Variants in TMTC2 observed in about 807,000 individuals in gnomAD.
TMTC2 encodes transmembrane O-mannosyltransferase targeting cadherins 2.
Under a neutral mutation model 82.4 loss-of-function variants are expected in TMTC2, and 43 were observed. That is an observed-to-expected ratio of 0.52 (90% CI 0.41 to 0.67). TMTC2 has a LOEUF of 0.67. Among genes scored for constraint, TMTC2 ranks in the 30% least tolerant of loss-of-function variants. The pLI, the probability that TMTC2 is intolerant of heterozygous loss-of-function variation, is 0.00. For missense variants in TMTC2, 919 were observed against 1,012.4 expected (o/e 0.91, Z 1.25); for synonymous variants, 408 against 381.9 (o/e 1.07, Z -0.80).
chr12:83,002,425 GTA>G (rs1289255097), intron 8 of TMTC2, among the ~76,000 whole-genome samples: 2 of 151,988 alleles, frequency 1.3e-5, no homozygotes, highest in East Asian at 3.9e-4. Context: ...CTGATAATTT[GTA>G]TGGATTTTTG....
chr12:83,106,813 A>G (rs1043216467), intron 11 of TMTC2, among the ~76,000 whole-genome samples: 1 of 152,218 alleles, frequency 6.6e-6, no homozygotes, highest in African/African-American at 2.4e-5. Flanking sequence ...AATGATGGTG[A>G]AATAAGAACT....
Position 82,965,704 on chromosome 12 carries a change from A to G in TMTC2, c.1829A>G (p.Tyr610Cys), listed in dbSNP as rs1878168996. The stretch of plus-strand genomic sequence containing the variant: ...AAGAGCTCTGTTACCAGTTGTTTGT[A>G]CAACCTAGGAAAGCTGTATCATGAG... Reference protein sequence around the residue: ...AHKSSVTSCLYNLGKLYHEQG... With the variant: ...AHKSSVTSCLCNLGKLYHEQG... The change falls in exon 6 of 12, where the codon TAC (tyrosine) becomes TGC (cysteine). Residue 610 changes from tyrosine to cysteine, a missense_variant. By Grantham distance (194) the Tyr-to-Cys change is radical (BLOSUM62 -2). Transcript: ENST00000321196. The G allele has an allele frequency of 3.1e-6, 5 of 1,613,766 alleles. No individual in the cohort carries two copies. The highest frequency in any genetic ancestry group is 1.7e-5 in the Admixed American group (1 of 59,972).
intron 1 of TMTC2, among the ~76,000 whole-genome samples, chr12:82,757,245 A>G (rs1259812487): frequency 6.6e-6 from 1 of 152,208 alleles, no homozygotes; most frequent in Non-Finnish European, 1.5e-5. Flanking sequence ...GGCTTAAGGA[A>G]GCATTCCTCT....
At chr12:82,732,690 A>G (rs917096261) in intron 1 of TMTC2, among the ~76,000 whole-genome samples, 3 of 152,196 alleles carry the variant, frequency 2.0e-5, no homozygotes, top group East Asian at 1.9e-4. Flanking sequence ...TATGGTAGCT[A>G]TAGAAAGACA....
rs1565797195 is a variant in TMTC2, at chr12:82,895,425, A to G, written c.655-393A>G. Among the ~76,000 whole-genome samples the G allele has an allele frequency of 2.0e-5, 3 of 152,296 alleles. No homozygotes were observed. In the East Asian group the frequency reaches 5.8e-4, roughly 29 times the overall value. ...TACGATAAAATGAAAGACAACAGTT[A>G]TTAGGTGCCTTTATCTTATGCAGAG... is the stretch of plus-strand genomic sequence containing the variant. On this transcript the variant is annotated intron_variant, in intron 2 of 11. Coordinates refer to ENST00000321196, the MANE Select transcript of TMTC2 (RefSeq NM_152588.3).
Position 82,997,346 on chromosome 12 carries a change from G to GTATATATA in TMTC2, c.2070+11301_2070+11302insATATATAT, listed in dbSNP as rs1221254720. Among the ~76,000 whole-genome samples the GTATATATA allele has an allele frequency of 6.0e-3, 174 of 29,200 alleles. 2 individuals carry two copies. The highest frequency in any genetic ancestry group is 0.014 in the African/African-American group (163 of 11,324). 19.2% of individuals were successfully genotyped at this position (29,200 alleles called of 152,430 possible). On this transcript the variant is annotated intron_variant, in intron 8 of 11. Transcript: ENST00000321196. ...TGTCTGTGTGTGTGTGTGTGTGTGT[G>GTATATATA]TGTATATATATATATATATGTGTAT...
chr12:83,032,257 T>TATATATATA (rs1881460375), intron 9 of TMTC2, among the ~76,000 whole-genome samples: 2 of 130,858 alleles, frequency 1.5e-5, no homozygotes, highest in African/African-American at 2.9e-5. Context: ...AGAGAATATT[T>TATATATATA]TATATATATA....
intron 2 of TMTC2, among the ~76,000 whole-genome samples, chr12:82,867,686 C>G (rs1002165532): frequency 1.2e-4 from 18 of 152,202 alleles, no homozygotes; most frequent in African/African-American, 4.1e-4. Flanking sequence ...TGAATGATTT[C>G]AGTACATTTC....
chr12:83,057,512 C>T (rs1359272762), intron 10 of TMTC2, among the ~76,000 whole-genome samples: 1 of 151,892 alleles, frequency 6.6e-6, no homozygotes, highest in African/African-American at 2.4e-5. Flanking sequence ...ACTCTGGTTT[C>T]ACTATTTTAA....
intron 3 of TMTC2, among the ~76,000 whole-genome samples, chr12:82,901,301 T>A (rs1478893720): frequency 4.8e-5 from 4 of 84,186 alleles, no homozygotes; most frequent in African/African-American, 3.6e-4. Context: ...TATATATATA[T>A]TTTTTTTTCT....
At chr12:82,807,702 A>G (rs979802626) in intron 1 of TMTC2, among the ~76,000 whole-genome samples, 1 of 152,092 alleles carries the variant, frequency 6.6e-6, no homozygotes, top group African/African-American at 2.4e-5. Context: ...AGAGCTAACA[A>G]ATACAAAATA....
intron 9 of TMTC2, among the ~76,000 whole-genome samples, chr12:83,048,530 T>A (rs1412663300): frequency 6.6e-6 from 1 of 152,196 alleles, no homozygotes; most frequent in Non-Finnish European, 1.5e-5. Context: ...AGATGAGTGA[T>A]CTCCAAGTCT....
chr12:83,077,788 T>A (rs946619951), intron 11 of TMTC2, among the ~76,000 whole-genome samples: 1 of 151,928 alleles, frequency 6.6e-6, no homozygotes, highest in Non-Finnish European at 1.5e-5. Flanking sequence ...TTGGCCAGGA[T>A]GATCTTGATC....
chr12:82,932,154 A>T (rs1876071492), intron 4 of TMTC2, among the ~76,000 whole-genome samples: 1 of 152,202 alleles, frequency 6.6e-6, no homozygotes, highest in East Asian at 1.9e-4. Flanking sequence ...TTAAAAAAAT[A>T]ACTAAAAATA....
At chr12:82,852,579 G>A (rs1050850987) in intron 1 of TMTC2, among the ~76,000 whole-genome samples, 8 of 151,960 alleles carry the variant, frequency 5.3e-5, no homozygotes, top group Non-Finnish European at 8.8e-5. Context: ...ACCATTTCAC[G>A]GAAGCAACCT....
chr12:82,813,148 T>C (rs11609468), intron 1 of TMTC2, among the ~76,000 whole-genome samples: 21,292 of 152,100 alleles, frequency 0.14, 1,845 homozygotes, highest in African/African-American at 0.23. Context: ...GTAATACTTA[T>C]GCCAATATGT....
At chr12:83,027,422 T>C (rs1221647318) in intron 8 of TMTC2, among the ~76,000 whole-genome samples, 10 of 152,202 alleles carry the variant, frequency 6.6e-5, no homozygotes, top group Admixed American at 5.2e-4. Flanking sequence ...GATAGATTAT[T>C]GGATGCTGCA....
chr12:82,775,516 G>C (rs1424091663), intron 1 of TMTC2, among the ~76,000 whole-genome samples: 2 of 152,006 alleles, frequency 1.3e-5, no homozygotes, highest in East Asian at 3.9e-4. Context: ...GGAGTGACGT[G>C]TATAGAGAGG....
At chr12:83,043,678 C>G (rs1881979028) in intron 9 of TMTC2, among the ~76,000 whole-genome samples, 1 of 152,186 alleles carries the variant, frequency 6.6e-6, no homozygotes, top group African/African-American at 2.4e-5. Flanking sequence ...GTAATCTCCT[C>G]TCTCCTCTAA....
Sources: gnomAD v4.1 joint callset for allele counts (sites outside exome capture counted in the v4.1 genomes callset) on GRCh38, gnomAD v4.1.1 for gene constraint, MANE v1.5 for transcripts, NCBI Gene and HGNC (gene_info 2026-07-23, HGNC 2026-07-21) for gene names.